The following IL31RA variants were observed in gnomAD, a reference collection of about 807,000 sequenced individuals.
The protein encoded by IL31RA is interleukin-31 receptor subunit alpha.
IL31RA carries 66 observed loss-of-function variants against 83.7 expected under a neutral mutation model. The observed-to-expected ratio is 0.79, with a 90% CI of 0.65 to 0.97. IL31RA has a LOEUF of 0.97. Among genes scored for constraint, IL31RA ranks in the 50% least tolerant of loss-of-function variants. IL31RA has a pLI of 0.00. For synonymous variants in IL31RA, 325 were observed against 329.0 expected (o/e 0.99, Z 0.13); for missense variants, 798 against 919.4 (o/e 0.87, Z 1.71).
Position 55,922,063 on chromosome 5 carries a change from G to GT in IL31RA, c.*4943_*4944insT, listed in dbSNP as rs1366106343. ...CACTCTTATGTTGTGGCGGGGGGGG[G>GT]GGGCGGTTCCTGAAGAGTGGAGTGT... On this transcript the variant is annotated 3_prime_UTR_variant, in exon 15 of 15. Coordinates refer to ENST00000652347, the MANE Select transcript of IL31RA (RefSeq NM_139017.7). Among the ~76,000 whole-genome samples the GT allele has an allele frequency of 2.0e-5, 3 of 147,418 alleles. No individual in the cohort carries two copies. Among genetic ancestry groups the GT allele is most frequent in the East Asian group, 4.0e-4 (2 of 4,990 alleles).
rs371072143 is a variant in IL31RA, at chr5:55,872,345, C to G, written c.348C>G (p.Phe116Leu). The G allele has an allele frequency of 1.1e-5, 17 of 1,612,374 alleles. No homozygotes were observed. Among genetic ancestry groups the G allele is most frequent in the Non-Finnish European group, 1.3e-5 (15 of 1,178,742 alleles). The change falls in exon 4 of 15, where the codon TTC (phenylalanine) becomes TTG (leucine). Residue 116 changes from phenylalanine (F) to leucine (L), a missense_variant. Coordinates refer to ENST00000652347, the MANE Select transcript of IL31RA (RefSeq NM_139017.7). Reference sequence around the variant, plus strand: ...AAAATCGTGCTTCGTGCTCTTTTTTCCTTCCAAGAATAACGATCCCAGATA... The same window carrying G: ...AAAATCGTGCTTCGTGCTCTTTTTTGCTTCCAAGAATAACGATCCCAGATA... ...TSENRASCSF[F>L]LPRITIPDNY...
chr5:55,889,870 A>G, intron 5 of IL31RA, 100 bp from the exon 6 acceptor site: 1 of 1,004,774 alleles, frequency 1.0e-6, no homozygotes, highest in Admixed American at 1.8e-5. Context: ...TTAGAGTGTT[A>G]CTAGTTCTAA....
In IL31RA at chr5:55,886,268, C is replaced by CTTGCTTTTTTTTTTTTTTTTTTTTTT. The variant is rs1235138364; in HGVS notation, c.606+3075_606+3076insGCTTTTTTTTTTTTTTTTTTTTTTTT. Among the ~76,000 whole-genome samples the CTTGCTTTTTTTTTTTTTTTTTTTTTT allele has an allele frequency of 1.4e-4, 10 of 71,504 alleles. 1 individual carries two copies. Among genetic ancestry groups the CTTGCTTTTTTTTTTTTTTTTTTTTTT allele is most frequent in the African/African-American group, 4.4e-4 (6 of 13,718 alleles). The allele number at this position is 71,504 out of a possible 152,430, so 46.9% of individuals were successfully genotyped here. On this transcript the variant is annotated intron_variant, in intron 5 of 14. Coordinates refer to ENST00000652347, the MANE Select transcript of IL31RA (RefSeq NM_139017.7). ...GCTAGCTTGCTTGCTTGCTTGCTTG[C>CTTGCTTTTTTTTTTTTTTTTTTTTTT]TTTTTTTTTTTTTTTTTTTTTTTGA...
intron 8 of IL31RA, among the ~76,000 whole-genome samples, chr5:55,905,677 G>A (rs558566814): frequency 1.3e-5 from 2 of 152,248 alleles, no homozygotes; most frequent in Non-Finnish European, 2.9e-5. Flanking sequence ...TAGTGAAAGC[G>A]TAAAGCCATC....
intron 6 of IL31RA, among the ~76,000 whole-genome samples, chr5:55,890,439 G>A (rs1202416412): frequency 1.3e-5 from 2 of 152,042 alleles, no homozygotes; most frequent in South Asian, 2.1e-4. Flanking sequence ...ATGTGATCTC[G>A]GCTCACTGCC....
At chr5:55,870,578 G>A (rs1746450855) in intron 3 of IL31RA, among the ~76,000 whole-genome samples, 1 of 152,088 alleles carries the variant, frequency 6.6e-6, no homozygotes, top group African/African-American at 2.4e-5. Flanking sequence ...CCTTTGGGTT[G>A]TTATTATTAT....
intron 8 of IL31RA, among the ~76,000 whole-genome samples, chr5:55,904,944 C>T (rs952521179): frequency 1.5e-4 from 23 of 150,662 alleles, no homozygotes; most frequent in Non-Finnish European, 3.4e-4. Flanking sequence ...GCCTGTAATC[C>T]CAGCACTTTG....
Position 55,851,417 on chromosome 5 carries a change from C to G in IL31RA, c.-154C>G. 7.2e-7 allele frequency: 1 copy of G among 1,394,480 alleles called. No individual in the cohort carries two copies. Among genetic ancestry groups the G allele is most frequent in the Non-Finnish European group, 9.9e-7 (1 of 1,013,582 alleles). The allele number at this position is 1,394,480 out of a possible 1,614,324, so 86.4% of individuals were successfully genotyped here. On this transcript the variant is annotated 5_prime_UTR_variant, in exon 1 of 15. Transcript: ENST00000652347. ...TCCAGCACTCTGCTTGGGGGGCATT[C>G]GAAACAGCAAAATCACTCATAAAAG...
chr5:55,877,919 C>A (rs1746959796), intron 4 of IL31RA, among the ~76,000 whole-genome samples: 1 of 152,090 alleles, frequency 6.6e-6, no homozygotes, highest in Non-Finnish European at 1.5e-5. Flanking sequence ...AATCTCTCCA[C>A]CACTTCCTCT....
chr5:55,876,854 C>G (rs1746881461), intron 4 of IL31RA, among the ~76,000 whole-genome samples: 1 of 152,072 alleles, frequency 6.6e-6, no homozygotes, highest in Non-Finnish European at 1.5e-5. Flanking sequence ...TTTGGCCTCC[C>G]AAAATGTTGA....
At chr5:55,840,519 A>G in the IL31RA span, among the ~76,000 whole-genome samples, 2 of 152,346 alleles carry the variant, frequency 1.3e-5, no homozygotes, top group Middle Eastern at 6.8e-3. Context: ...TGGAACTTAC[A>G]TTCTGATGAT....
chr5:55,906,425 A>G, intron 9 of IL31RA, 137 bp downstream of exon 9: 2 of 845,474 alleles, frequency 2.4e-6, no homozygotes, highest in Non-Finnish European at 3.9e-6. Context: ...AGCTTAATGA[A>G]GTGACACGCT....
At chr5:55,906,503 G>A (rs1169674799) in intron 9 of IL31RA, among the ~76,000 whole-genome samples, 1 of 152,154 alleles carries the variant, frequency 6.6e-6, no homozygotes, top group East Asian at 1.9e-4. Context: ...GTATCTGATC[G>A]ATCTCCAGGT....
At chr5:55,913,612 CA>C (rs760304391) in intron 13 of IL31RA, 42 bp downstream of exon 13, 1 of 1,292,518 alleles carries the variant, frequency 7.7e-7, no homozygotes, top group Non-Finnish European at 1.1e-6. Context: ...AAATCAGGGA[CA>C]AAAAGGGGTT....
In IL31RA at chr5:55,859,388, C is replaced by CAAATA. The variant is rs1304708658; in HGVS notation, c.64-110_64-106dup. On this transcript the variant is annotated intron_variant, in intron 1 of 14. Transcript: ENST00000652347. ...GAAGGATCTAGGTGATGATAGTCAA[C>CAAATA]AAATAAAATAAAATAGGATCCTTCC... 9 of 751,642 alleles carry CAAATA rather than the reference C, an allele frequency of 1.2e-5. No homozygotes were observed. In the African/African-American group the frequency reaches 1.6e-4, roughly 13 times the overall value. The allele number at this position is 751,642 out of a possible 1,614,324, so 46.6% of individuals were successfully genotyped here.
chr5:55,881,036 C>T (rs1747179725), intron 4 of IL31RA, among the ~76,000 whole-genome samples: 1 of 152,170 alleles, frequency 6.6e-6, no homozygotes, highest in South Asian at 2.1e-4. Flanking sequence ...GGCGCGGTGG[C>T]TCATGCCTGT....
intron 1 of IL31RA, chr5:55,853,531 A>C (rs1437582823): frequency 6.4e-7 from 1 of 1,550,938 alleles, no homozygotes; most frequent in African/African-American, 1.4e-5. Context: ...CCTTTGAGCC[A>C]GCAGAACATC....
At position 55,899,862 on chromosome 5, in the gene IL31RA, A is replaced by G. The variant is rs1016911434; in HGVS notation, c.853-54A>G. Reference sequence around the variant, plus strand: ...ACCCCCACCGCTTCTCACTGTCTCAATGCCTTTCTTTTTCTTTGTTATTGG... The same window carrying G: ...ACCCCCACCGCTTCTCACTGTCTCAGTGCCTTTCTTTTTCTTTGTTATTGG... On this transcript the variant is annotated intron_variant, in intron 7 of 14. Transcript: ENST00000652347. 13 of 1,305,970 alleles carry G rather than the reference A, an allele frequency of 1.0e-5. No individual in the cohort carries two copies. In the South Asian group the frequency reaches 1.4e-4, roughly 14 times the overall value. The allele number at this position is 1,305,970 out of a possible 1,614,324, so 80.9% of individuals were successfully genotyped here.
At chr5:55,905,402 G>A (rs1486279720) in intron 8 of IL31RA, among the ~76,000 whole-genome samples, 1 of 152,046 alleles carries the variant, frequency 6.6e-6, no homozygotes, top group East Asian at 1.9e-4. Context: ...CTGTGTGTTC[G>A]AATATTTTCA....
Sources: gnomAD v4.1 joint callset for allele counts (sites outside exome capture counted in the v4.1 genomes callset) on GRCh38, gnomAD v4.1.1 for gene constraint, MANE v1.5 for transcripts, NCBI Gene and HGNC (gene_info 2026-07-23, HGNC 2026-07-21) for gene names.